DMD: variants seen among roughly 807,000 people sequenced by gnomAD.
DMD encodes mutant dystrophin.
DMD carries 63 observed loss-of-function variants against 330.1 expected under a neutral mutation model. That is an observed-to-expected ratio of 0.19 (90% confidence interval 0.16 to 0.24). The LOEUF is 0.24. Ranked by LOEUF, DMD falls within the 10% of genes least tolerant of loss-of-function variation. The pLI is 1.00. For synonymous variants in DMD, 1,223 were observed against 959.8 expected, an observed-to-expected ratio of 1.27 and a Z score of -5.07; for missense variants, 3,344 against 2,684.1, an observed-to-expected ratio of 1.25 and a Z score of -5.43.
chrX:31,420,578 G>A lies in DMD; in HGVS notation c.9084+23903C>T, dbSNP rs190031976. 3.6e-5 allele frequency among the ~76,000 whole-genome samples: 4 copies of A among 112,222 alleles called. No individual in the cohort carries two copies. The East Asian group carries it at 8.4e-4, about 24-fold the overall frequency. The stretch of plus-strand genomic sequence containing the variant: ...TTTTAAAGAAGTGAGAAAGACATGC[G>A]TGAACAGGCAATTTTGCTCCCAGAT... On this transcript the variant is annotated intron_variant, in intron 60 of 78. Coordinates refer to ENST00000357033, the MANE Select transcript of DMD (RefSeq NM_004006.3).
chrX:32,851,535 T>C (rs748141935), intron 2 of DMD, among the ~76,000 whole-genome samples: 1 of 112,450 alleles, frequency 8.9e-6, no homozygotes, highest in Non-Finnish European at 1.9e-5. Context: ...ACCGCTGCTA[T>C]AGAAACACCA....
chrX:31,244,659 T>C (rs1424221708), intron 63 of DMD, among the ~76,000 whole-genome samples: 1 of 112,139 alleles, frequency 8.9e-6, no homozygotes, highest in Non-Finnish European at 1.9e-5. Flanking sequence ...AGAAGACTTA[T>C]GATTACAGTA....
intron 13 of DMD, among the ~76,000 whole-genome samples, chrX:32,589,353 A>G (rs1340884169): frequency 1.8e-5 from 2 of 111,096 alleles, no homozygotes; most frequent in East Asian, 5.7e-4. Context: ...TGCATTAACT[A>G]AGAATCTGTA....
intron 41 of DMD, among the ~76,000 whole-genome samples, chrX:32,339,487 C>A (rs746865563): frequency 6.9e-4 from 77 of 111,610 alleles, no homozygotes; most frequent in Non-Finnish European, 1.3e-3. Flanking sequence ...TCCAGGTTTG[C>A]CCTGAGGACC....
chrX:32,231,328 G>C (rs1232468647), intron 43 of DMD, among the ~76,000 whole-genome samples: 3 of 112,165 alleles, frequency 2.7e-5, no homozygotes, highest in East Asian at 5.6e-4. Flanking sequence ...AGTATGGTGA[G>C]AATACGAATT....
At chrX:33,126,045 A>AG (rs2095462653) in intron 1 of DMD, among the ~76,000 whole-genome samples, 1 of 110,042 alleles carries the variant, frequency 9.1e-6, no homozygotes, top group South Asian at 3.8e-4. Context: ...TCTCAAGAAA[A>AG]AAAAAAAAAA....
In DMD at chrX:32,633,389, G is replaced by A. The variant is rs193133513; in HGVS notation, c.1331+10743C>T. Among the ~76,000 whole-genome samples, 660 of 111,870 alleles carry A rather than the reference G, an allele frequency of 5.9e-3. 3 individuals carry two copies. The highest frequency in any genetic ancestry group is 0.02 in the African/African-American group (627 of 30,821). On this transcript the variant is annotated intron_variant, in intron 11 of 78. Coordinates refer to ENST00000357033, the MANE Select transcript of DMD (RefSeq NM_004006.3). ...GTTCATTCTTTCCATCTGAGACCTC[G>A]ACAGCTTGGACTTCACTGTGCATAT...
intron 1 of DMD, among the ~76,000 whole-genome samples, chrX:33,222,410 C>T (rs1234211719): frequency 8.9e-6 from 1 of 112,280 alleles, no homozygotes; most frequent in Non-Finnish European, 1.9e-5. Flanking sequence ...TAATAAACAA[C>T]ATCTACATAA....
At chrX:32,288,754 T>C (rs2097453899) in intron 42 of DMD, among the ~76,000 whole-genome samples, 1 of 111,602 alleles carries the variant, frequency 9.0e-6, no homozygotes, top group African/African-American at 3.2e-5. Flanking sequence ...AGTCCTATGA[T>C]GATCCATCTT....
chrX:32,074,287 C>A (rs1407636764), intron 44 of DMD, among the ~76,000 whole-genome samples: 1 of 111,563 alleles, frequency 9.0e-6, no homozygotes, highest in African/African-American at 3.3e-5. Context: ...TGCATGGGAA[C>A]AATATACAGT....
At chrX:31,931,257 C>T (rs1044611784) in intron 46 of DMD, among the ~76,000 whole-genome samples, 4 of 110,572 alleles carry the variant, frequency 3.6e-5, no homozygotes, top group Admixed American at 2.9e-4. Flanking sequence ...ATATTAATTT[C>T]TCTTCCCCTT....
At chrX:32,414,388 A>C (rs2098157984) in intron 29 of DMD, among the ~76,000 whole-genome samples, 1 of 112,172 alleles carries the variant, frequency 8.9e-6, no homozygotes, top group African/African-American at 3.2e-5. Flanking sequence ...GTTTTAATAT[A>C]TGAATATGTT....
chrX:31,214,922 T>C (rs1316040788), intron 64 of DMD, among the ~76,000 whole-genome samples: 1 of 83,215 alleles, frequency 1.2e-5, no homozygotes, highest in Non-Finnish European at 2.3e-5. Flanking sequence ...AAAGATACTT[T>C]TTTATTTCTT....
At chrX:32,969,304 A>G (rs762233375) in intron 2 of DMD, among the ~76,000 whole-genome samples, 2 of 77,608 alleles carry the variant, frequency 2.6e-5, no homozygotes, top group Non-Finnish European at 4.7e-5. Flanking sequence ...GAAATAACAT[A>G]TAAATTAACA....
intron 1 of DMD, among the ~76,000 whole-genome samples, chrX:33,253,134 A>G (rs2148898808): frequency 9.6e-6 from 1 of 103,904 alleles, no homozygotes; most frequent in East Asian, 2.8e-4. Flanking sequence ...ATTATACATT[A>G]CATAAACACA....
rs1325029462 is a variant in DMD at position 32,960,964 on chromosome X, G to T, written c.93+59175C>A. Among the ~76,000 whole-genome samples the T allele has an allele frequency of 4.8e-5, 5 of 103,902 alleles. No homozygotes were observed. In the East Asian group the frequency reaches 1.6e-3, roughly 32 times the overall value. 90.2% of individuals were successfully genotyped at this position (103,902 alleles called of 115,157 possible). The stretch of plus-strand genomic sequence containing the variant: ...GGTCAATTTAAACGAAGTACTGCAT[G>T]ATTACATTGAACGTATTTACGTATT... On this transcript the variant is annotated intron_variant, in intron 2 of 78. Coordinates refer to ENST00000357033, the MANE Select transcript of DMD (RefSeq NM_004006.3).
At chrX:31,334,254 A>G (rs930578357) in intron 61 of DMD, among the ~76,000 whole-genome samples, 18 of 112,395 alleles carry the variant, frequency 1.6e-4, no homozygotes, top group African/African-American at 4.8e-4. Context: ...ATCTTATCAG[A>G]ATGGCTAAGT....
At chrX:31,594,556 G>T (rs1350317491) in intron 55 of DMD, among the ~76,000 whole-genome samples, 1 of 111,351 alleles carries the variant, frequency 9.0e-6, no homozygotes, top group African/African-American at 3.3e-5. Flanking sequence ...TTAATTAACT[G>T]AAGCCATATA....
rs1290729949 is a variant in DMD, at chrX:31,478,088, C to A, written c.8937+18G>T. ...TTGAGTCTCTCAAAGGGCCCTGAAG[C>A]AAAGAAGTAGACGGTACCTTGACTT... is the stretch of plus-strand genomic sequence containing the variant. On this transcript the variant is annotated intron_variant, in intron 59 of 78. Coordinates refer to ENST00000357033, the MANE Select transcript of DMD (RefSeq NM_004006.3). 1 of 1,208,715 alleles carries A rather than the reference C, an allele frequency of 8.3e-7. No individual in the cohort carries two copies. Among genetic ancestry groups the A allele is most frequent in the Admixed American group, 2.2e-5 (1 of 45,833 alleles).
Sources: gnomAD v4.1 joint callset for allele counts (sites outside exome capture counted in the v4.1 genomes callset) on GRCh38, gnomAD v4.1.1 for gene constraint, MANE v1.5 for transcripts, NCBI Gene and HGNC (gene_info 2026-07-23, HGNC 2026-07-21) for gene names.